CCDC38: variants seen among roughly 807,000 people sequenced by gnomAD.
The protein encoded by CCDC38 is coiled-coil domain containing 38.
CCDC38 carries 69 observed loss-of-function variants against 72.8 expected under a neutral mutation model. That is an observed-to-expected ratio of 0.95 (90% confidence interval 0.78 to 1.16). CCDC38 has a LOEUF of 1.16. CCDC38 is among the 50% of genes most tolerant of loss of function. The pLI, the probability that CCDC38 is intolerant of heterozygous loss-of-function variation, is 0.00. For missense variants in CCDC38, 626 were observed against 638.9 expected (o/e 0.98, Z 0.22); for synonymous variants, 201 against 213.2 (o/e 0.94, Z 0.50).
At position 95,878,288 on chromosome 12, in the gene CCDC38, T is replaced by C. The variant is rs1565943159; in HGVS notation, c.1201A>G (p.Arg401Gly). 1 of 1,613,610 alleles carries C rather than the reference T, an allele frequency of 6.2e-7. No homozygotes were observed. Among genetic ancestry groups the C allele is most frequent in the Admixed American group, 1.7e-5 (1 of 60,000 alleles). ...QEKMLKANCV[R>G]EEEKAAELQL... Reference sequence around the variant, plus strand: ...AATTCTGCTGCTTTCTCTTCTTCTCTCACACAGTTAGCTTTAAGCATTTTT... The same window carrying C: ...AATTCTGCTGCTTTCTCTTCTTCTCCCACACAGTTAGCTTTAAGCATTTTT... The change falls in exon 13 of 16, where the codon AGA becomes GGA. Residue 401 changes from arginine to glycine, a missense_variant. Transcript: ENST00000344280.
At position 95,888,497 on chromosome 12, in the gene CCDC38, C is replaced by T; in HGVS notation, c.881G>A (p.Ser294Asn). 1 of 1,614,084 alleles carries T rather than the reference C, an allele frequency of 6.2e-7. No individual in the cohort carries two copies. Among genetic ancestry groups the T allele is most frequent in the Non-Finnish European group, 8.5e-7 (1 of 1,180,004 alleles). Residue 294 changes from serine (S) to asparagine (N), a missense_variant, in exon 10 of 16, where the codon AGC (serine) becomes AAC (asparagine). Coordinates refer to ENST00000344280, the MANE Select transcript of CCDC38 (RefSeq NM_182496.3). ...CTCTGGAGTGCGAGTCAGGCTTCTG[C>T]TTGGCTTTCCTGTTCAAAATGTCCA... ...SQGRDSQGKPSRSLTRTPEKK... is the reference protein window; with the variant it reads ...SQGRDSQGKPNRSLTRTPEKK...
At chr12:95,875,442 G>GT (rs1036265256) in intron 13 of CCDC38, among the ~76,000 whole-genome samples, 33 of 151,722 alleles carry the variant, frequency 2.2e-4, no homozygotes, top group African/African-American at 7.8e-4. Context: ...CATTAAGAGT[G>GT]GAAGTTTTGA....
chr12:95,929,574 T>C (rs2080314676), intron 2 of CCDC38, among the ~76,000 whole-genome samples: 1 of 152,278 alleles, frequency 6.6e-6, no homozygotes, highest in East Asian at 1.9e-4. Flanking sequence ...CCTGCAAGTG[T>C]CTTAAAATCT....
At chr12:95,927,281 C>T (rs1010173609) in intron 2 of CCDC38, among the ~76,000 whole-genome samples, 26 of 152,046 alleles carry the variant, frequency 1.7e-4, no homozygotes, top group African/African-American at 5.1e-4. Context: ...GAATTGATCC[C>T]TTTACCATTA....
At chr12:95,932,711 A>G (rs182366509) in intron 2 of CCDC38, among the ~76,000 whole-genome samples, 1 of 152,340 alleles carries the variant, frequency 6.6e-6, no homozygotes, top group East Asian at 1.9e-4. Context: ...ACGAATGATC[A>G]ATGGATTCAC....
At chr12:95,867,828 T>A (rs1047342442) in intron 15 of CCDC38, among the ~76,000 whole-genome samples, 31 of 152,346 alleles carry the variant, frequency 2.0e-4, no homozygotes, top group African/African-American at 7.0e-4. Flanking sequence ...TGAATTTGTA[T>A]ACATTAAATG....
intron 7 of CCDC38, among the ~76,000 whole-genome samples, chr12:95,896,966 G>C (rs2079896185): frequency 6.6e-6 from 1 of 152,220 alleles, no homozygotes; most frequent in Non-Finnish European, 1.5e-5. Flanking sequence ...TCTATAAATG[G>C]ATAGAAACTT....
At chr12:95,901,281 A>T (rs1592777797) in intron 5 of CCDC38, among the ~76,000 whole-genome samples, 1 of 152,206 alleles carries the variant, frequency 6.6e-6, no homozygotes, top group East Asian at 1.9e-4. Context: ...ATTGCTATTT[A>T]GTGAGCCAGG....
intron 3 of CCDC38, 127 bp from the exon 4 acceptor site, chr12:95,917,421 C>T (rs1178364912): frequency 1.4e-6 from 1 of 715,660 alleles, no homozygotes; most frequent in African/African-American, 1.9e-5. Flanking sequence ...ACCCCAGGTT[C>T]TTCTCTTTGA....
chr12:95,943,167 C>A, upstream of CCDC38: 1 of 498,968 alleles, frequency 2.0e-6, no homozygotes, highest in South Asian at 3.1e-5. Flanking sequence ...ACAAGACGAC[C>A]AAAAAAGAGA....
chr12:95,936,618 A>C, intron 1 of CCDC38, 95 bp from the exon 2 acceptor site: 1 of 937,114 alleles, frequency 1.1e-6, no homozygotes, highest in Non-Finnish European at 1.6e-6. Flanking sequence ...AACAGTCCTT[A>C]TGGCTTTTAA....
Position 95,898,373 on chromosome 12 carries a change from G to A in CCDC38, c.614+12C>T, listed in dbSNP as rs1437983457. On this transcript the variant is annotated intron_variant, in intron 7 of 15. Transcript: ENST00000344280. Reference sequence around the variant, plus strand: ...GGAAATTTGGCCACGAGAAGATTGTGCCCACCCTCACCTTTTCACTGCTTG... The same window carrying A: ...GGAAATTTGGCCACGAGAAGATTGTACCCACCCTCACCTTTTCACTGCTTG... 3 of 1,613,744 alleles carry A rather than the reference G, an allele frequency of 1.9e-6. No individual in the cohort carries two copies. The highest frequency in any genetic ancestry group is 2.5e-6 in the Non-Finnish European group (3 of 1,179,734).
chr12:95,892,759 C>T (rs563476895), intron 8 of CCDC38, among the ~76,000 whole-genome samples: 5 of 151,726 alleles, frequency 3.3e-5, no homozygotes, highest in Non-Finnish European at 5.9e-5. Flanking sequence ...TTAGTAGAGA[C>T]GGGGTTTCAC....
At chr12:95,871,148 C>G (rs542045801) in intron 14 of CCDC38, among the ~76,000 whole-genome samples, 1 of 152,264 alleles carries the variant, frequency 6.6e-6, no homozygotes, top group East Asian at 1.9e-4. Flanking sequence ...CCACAGTAAG[C>G]TAGGGGTCAT....
In CCDC38 at chr12:95,921,000, C is replaced by T. The variant is rs568176159; in HGVS notation, c.38-2024G>A. ...AAAATTAGCCGGGTGTGGTGGTTCA[C>T]GCCTGTAATCCCAGCTCCTTGGGAG... On this transcript the variant is annotated intron_variant, in intron 2 of 15. Coordinates refer to ENST00000344280, the MANE Select transcript of CCDC38 (RefSeq NM_182496.3). Among the ~76,000 whole-genome samples the T allele has an allele frequency of 1.1e-4, 17 of 152,032 alleles. No homozygotes were observed. In the South Asian group the frequency reaches 2.9e-3, roughly 26 times the overall value.
intron 13 of CCDC38, among the ~76,000 whole-genome samples, chr12:95,874,100 C>G (rs1464193026): frequency 6.6e-6 from 1 of 152,124 alleles, no homozygotes; most frequent in East Asian, 1.9e-4. Context: ...ACAACACATT[C>G]TTTTTCTAAA....
intron 2 of CCDC38, among the ~76,000 whole-genome samples, chr12:95,920,749 A>T (rs1351194931): frequency 1.3e-5 from 2 of 152,054 alleles, no homozygotes; most frequent in Admixed American, 1.3e-4. Flanking sequence ...TTCTTTTTGA[A>T]TTAGTGAAAA....
chr12:95,900,658 T>C (rs1454767303), intron 5 of CCDC38, among the ~76,000 whole-genome samples: 1 of 152,208 alleles, frequency 6.6e-6, no homozygotes, highest in Non-Finnish European at 1.5e-5. Context: ...CAATTGTCAT[T>C]AGAATGCCTG....
At position 95,878,204 on chromosome 12, in the gene CCDC38, G is replaced by A. The variant is rs780717452; in HGVS notation, c.1278+7C>T. On this transcript the variant is annotated splice_region_variant and intron_variant, in intron 13 of 15. Coordinates refer to ENST00000344280, the MANE Select transcript of CCDC38 (RefSeq NM_182496.3). ...AATGAAATCACCATAGGCAAAGAGTGATTTACCTGAGCATCTGAATTAAAT... is the reference window on the plus strand; with the variant it reads ...AATGAAATCACCATAGGCAAAGAGTAATTTACCTGAGCATCTGAATTAAAT... The A allele has an allele frequency of 3.7e-6, 6 of 1,612,502 alleles. No individual in the cohort carries two copies. The highest frequency in any genetic ancestry group is 1.1e-5 in the South Asian group (1 of 90,970).
Sources: allele counts gnomAD v4.1 joint callset (sites outside exome capture counted in the v4.1 genomes callset), GRCh38; gene constraint gnomAD v4.1.1; transcripts MANE v1.5; gene names NCBI Gene and HGNC (gene_info 2026-07-23, HGNC 2026-07-21).